ANKIB1: variants seen among roughly 807,000 people sequenced by gnomAD.
ANKIB1 encodes the protein ankyrin repeat and IBR domain-containing protein 1.
A neutral mutation model predicts 122.1 loss-of-function variants in ANKIB1; 43 were observed. That is an observed-to-expected ratio of 0.35 (90% CI 0.28 to 0.45). ANKIB1 has a LOEUF of 0.45. ANKIB1 is among the 20% of genes least tolerant of loss of function. The pLI is 1.00. For synonymous variants in ANKIB1, 390 were observed against 442.0 expected, an observed-to-expected ratio of 0.88 and a Z score of 1.48; for missense variants, 992 against 1,329.5, an observed-to-expected ratio of 0.75 and a Z score of 3.95.
intron 3 of ANKIB1, among the ~76,000 whole-genome samples, chr7:92,311,515 C>T (rs74668307): frequency 6.6e-6 from 1 of 152,228 alleles, no homozygotes; most frequent in African/African-American, 2.4e-5. Context: ...TTCTTGACTA[C>T]ATCTGTGGAA....
At chr7:92,381,032 C>G (rs1278276790) in intron 11 of ANKIB1, among the ~76,000 whole-genome samples, 1 of 152,104 alleles carries the variant, frequency 6.6e-6, no homozygotes, top group Admixed American at 6.5e-5. Flanking sequence ...GAATGGCTAA[C>G]TAGAATAAAC....
chr7:92,305,303 C>T (rs536793607), intron 2 of ANKIB1, among the ~76,000 whole-genome samples: 19 of 152,318 alleles, frequency 1.2e-4, no homozygotes, highest in Middle Eastern at 3.4e-3. Flanking sequence ...TCTGGGACCA[C>T]GTTCTTAACC....
chr7:92,386,948 G>T (rs996624357), intron 12 of ANKIB1, among the ~76,000 whole-genome samples: 3 of 152,026 alleles, frequency 2.0e-5, no homozygotes, highest in Admixed American at 2.0e-4. Flanking sequence ...TACTGTACAG[G>T]AAGTGTCTTA....
At chr7:92,316,159 A>G (rs1802789826) in intron 3 of ANKIB1, among the ~76,000 whole-genome samples, 1 of 152,238 alleles carries the variant, frequency 6.6e-6, no homozygotes. Flanking sequence ...AACCATATTT[A>G]AGTAAAATAT....
At chr7:92,380,385 C>T (rs147831708) in intron 11 of ANKIB1, among the ~76,000 whole-genome samples, 2,739 of 152,306 alleles carry the variant, frequency 0.018, 41 homozygotes, top group Middle Eastern at 0.068. Flanking sequence ...AGCAGTGGTT[C>T]TCCCAGCATG....
At chr7:92,303,704 G>C (rs1243198526) in intron 2 of ANKIB1, among the ~76,000 whole-genome samples, 3 of 152,166 alleles carry the variant, frequency 2.0e-5, no homozygotes. Flanking sequence ...CAAGGTAATA[G>C]AAAGGTCAGG....
chr7:92,359,339 G>C (rs1197145583), intron 9 of ANKIB1, among the ~76,000 whole-genome samples: 1 of 152,160 alleles, frequency 6.6e-6, no homozygotes, highest in Non-Finnish European at 1.5e-5. Flanking sequence ...TTCTGTTCTT[G>C]TGATAGTTTG....
At chr7:92,336,454 A>T (rs1418872987) in intron 5 of ANKIB1, among the ~76,000 whole-genome samples, 1 of 152,058 alleles carries the variant, frequency 6.6e-6, no homozygotes, top group Non-Finnish European at 1.5e-5. Flanking sequence ...CAATATATGG[A>T]TTACCTCAAG....
chr7:92,357,736 AAAAAAAAAAAAAAG>A (rs1431527974), intron 9 of ANKIB1, among the ~76,000 whole-genome samples: 3 of 148,818 alleles, frequency 2.0e-5, no homozygotes, highest in African/African-American at 7.6e-5. Context: ...CTCTCTCAAA[AAAAAAAAAAAAAAG>A]AAAAAGAAAA....
At chr7:92,368,562 C>CA (rs1309290342) in intron 10 of ANKIB1, among the ~76,000 whole-genome samples, 12 of 150,600 alleles carry the variant, frequency 8.0e-5, no homozygotes, top group Non-Finnish European at 1.3e-4. Context: ...ACTAAAAATA[C>CA]AAAAAAAAAT....
chr7:92,277,766 G>A (rs943999721), intron 1 of ANKIB1, among the ~76,000 whole-genome samples: 2 of 151,216 alleles, frequency 1.3e-5, no homozygotes, highest in Non-Finnish European at 3.0e-5. Context: ...GGGCAACATA[G>A]GGAGACCTCT....
chr7:92,396,349 C>T lies in ANKIB1; in HGVS notation c.2284-16C>T, dbSNP rs1301126336. On this transcript the variant is annotated splice_polypyrimidine_tract_variant and intron_variant, in intron 17 of 19. Transcript: ENST00000265742. ...TTGCATGCTCTCTTGTATTTTATAA[C>T]CTTTGGTTTATGCAGGAATATGCTG... 7.2e-7 allele frequency: 1 copy of T among 1,384,372 alleles called. No homozygotes were observed. The highest frequency in any genetic ancestry group is 1.0e-6 in the Non-Finnish European group (1 of 988,638). The allele number at this position is 1,384,372 out of a possible 1,614,324, so 85.8% of individuals were successfully genotyped here. A position where few individuals can be genotyped will look rare whatever the true frequency, so the allele number is the denominator to read the frequency against.
intron 1 of ANKIB1, among the ~76,000 whole-genome samples, chr7:92,284,576 A>G (rs1802077712): frequency 6.6e-6 from 1 of 152,254 alleles, no homozygotes; most frequent in Admixed American, 6.5e-5. Context: ...GGAAATTAAC[A>G]TTAAGTCATT....
intron 1 of ANKIB1, among the ~76,000 whole-genome samples, chr7:92,273,480 C>T (rs929468181): frequency 1.9e-4 from 29 of 152,278 alleles, no homozygotes; most frequent in African/African-American, 6.7e-4. Context: ...CCTAGATCAC[C>T]CAGTAGAGTT....
At chr7:92,304,385 G>A (rs1003883409) in intron 2 of ANKIB1, among the ~76,000 whole-genome samples, 12 of 152,052 alleles carry the variant, frequency 7.9e-5, no homozygotes, top group Non-Finnish European at 1.8e-4. Context: ...AATGAACCCG[G>A]CGGATTGGCA....
At chr7:92,282,424 A>G (rs890651139) in intron 1 of ANKIB1, among the ~76,000 whole-genome samples, 5 of 152,190 alleles carry the variant, frequency 3.3e-5, no homozygotes, top group Non-Finnish European at 7.3e-5. Context: ...GATAACAGGC[A>G]TGAGCCACCA....
At position 92,352,585 on chromosome 7, in the gene ANKIB1, G is replaced by A; in HGVS notation, c.1340G>A (p.Ser447Asn). 6.2e-7 allele frequency: 1 copy of A among 1,613,256 alleles called. No homozygotes were observed. Among genetic ancestry groups the A allele is most frequent in the African/African-American group, 1.3e-5 (1 of 75,020 alleles). The change falls in exon 9 of 20, where the codon AGC becomes AAC. Residue 447 changes from serine to asparagine, a missense_variant. Coordinates refer to ENST00000265742, the MANE Select transcript of ANKIB1 (RefSeq NM_019004.2). ...GSNTSGSDTL[S>N]FPLLRAPAVD... ...AATACATCTGGATCTGATACACTCA[G>A]CTTCCCATTGCTGAGAGCTCCTGCT... is the stretch of plus-strand genomic sequence containing the variant.
intron 4 of ANKIB1, among the ~76,000 whole-genome samples, chr7:92,320,841 A>G (rs1019792500): frequency 6.6e-6 from 1 of 152,078 alleles, no homozygotes; most frequent in African/African-American, 2.4e-5. Flanking sequence ...TCATTTAATG[A>G]TTTTTCGTTG....
At chr7:92,372,118 A>AT (rs537449408) in intron 11 of ANKIB1, among the ~76,000 whole-genome samples, 2 of 151,996 alleles carry the variant, frequency 1.3e-5, no homozygotes, top group Non-Finnish European at 2.9e-5. Context: ...TCCAGTCCAT[A>AT]TACTGTCTCC....
Sources: gnomAD v4.1 joint callset for allele counts (sites outside exome capture counted in the v4.1 genomes callset) on GRCh38, gnomAD v4.1.1 for gene constraint, MANE v1.5 for transcripts, NCBI Gene and HGNC (gene_info 2026-07-23, HGNC 2026-07-21) for gene names.